The following GPHN variants were observed in gnomAD, a reference collection of about 807,000 sequenced individuals.
GPHN encodes the protein gephyrin.
In GPHN, 17 loss-of-function variants were observed where a neutral mutation model predicts 95.5. The observed-to-expected ratio is 0.18, with a 90% CI of 0.12 to 0.27. The LOEUF (loss-of-function observed/expected upper bound fraction) is 0.27. Ranked by LOEUF, GPHN falls within the 10% of genes least tolerant of loss-of-function variation. The pLI is 1.00. For missense variants in GPHN, 660 were observed against 978.1 expected, an observed-to-expected ratio of 0.67 and a Z score of 4.34; for synonymous variants, 320 against 322.5, an observed-to-expected ratio of 0.99 and a Z score of 0.08.
the GPHN span, chr14:67,616,339 A>G: frequency 6.6e-6 from 1 of 152,332 alleles, no homozygotes; most frequent in Non-Finnish European, 1.5e-5. Flanking sequence ...CTGTAAATTG[A>G]CATGGAAATT....
intron 1 of GPHN, among the ~76,000 whole-genome samples, chr14:66,604,007 A>G (rs962401244): frequency 2.0e-5 from 3 of 152,132 alleles, no homozygotes; most frequent in Admixed American, 2.0e-4. Context: ...GTCTTGGGGA[A>G]TGAACACTTG....
At chr14:67,302,797 T>C in the GPHN span, among the ~76,000 whole-genome samples, 1 of 151,892 alleles carries the variant, frequency 6.6e-6, no homozygotes, top group Admixed American at 6.6e-5. Context: ...ATTTTATTTT[T>C]CTGGAATCAG....
chr14:67,726,224 G>A, the GPHN span: 6 of 949,336 alleles, frequency 6.3e-6, no homozygotes, highest in Middle Eastern at 2.1e-4. Flanking sequence ...ATGACACTGT[G>A]TAAATGTGGA....
At chr14:67,619,831 G>T in the GPHN span, 2 of 573,984 alleles carry the variant, frequency 3.5e-6, no homozygotes, top group Non-Finnish European at 3.0e-6. Context: ...GGTTGGAGGC[G>T]CGGGCGGCGG....
intron 8 of GPHN, among the ~76,000 whole-genome samples, chr14:66,932,042 C>T (rs1032712177): frequency 9.2e-5 from 14 of 152,198 alleles, no homozygotes; most frequent in African/African-American, 3.1e-4. Flanking sequence ...TGATCTAAGT[C>T]TGGTCACTGA....
intron 1 of GPHN, among the ~76,000 whole-genome samples, chr14:66,524,399 T>C (rs1026519732): frequency 1.3e-5 from 2 of 152,134 alleles, no homozygotes; most frequent in East Asian, 3.8e-4. Context: ...GAAAAGATAC[T>C]TTTAGAACTA....
At chr14:66,785,371 T>C (rs970573325) in intron 3 of GPHN, among the ~76,000 whole-genome samples, 2 of 151,970 alleles carry the variant, frequency 1.3e-5, no homozygotes, top group Non-Finnish European at 2.9e-5. Context: ...ATTTCAAAAA[T>C]AAATAAATTA....
At chr14:67,080,920 G>C (rs761431653) in intron 11 of GPHN, among the ~76,000 whole-genome samples, 5 of 152,116 alleles carry the variant, frequency 3.3e-5, no homozygotes, top group Non-Finnish European at 7.4e-5. Context: ...CATCCAGTTT[G>C]CTGCAAATGC....
At chr14:67,176,623 G>A (rs1039106259) in intron 21 of GPHN, among the ~76,000 whole-genome samples, 2 of 152,044 alleles carry the variant, frequency 1.3e-5, no homozygotes, top group African/African-American at 4.8e-5. Flanking sequence ...CTCTTTTTCT[G>A]TTCCTTGGAA....
chr14:66,943,188 T>G (rs2067529070), intron 8 of GPHN, among the ~76,000 whole-genome samples: 1 of 152,254 alleles, frequency 6.6e-6, no homozygotes, highest in Non-Finnish European at 1.5e-5. Flanking sequence ...AAACAACCCT[T>G]TAACACTAGG....
At chr14:67,465,263 T>A in the GPHN span, among the ~76,000 whole-genome samples, 1 of 152,148 alleles carries the variant, frequency 6.6e-6, no homozygotes, top group East Asian at 1.9e-4. Context: ...AGTCTCCAGT[T>A]GGGCTAAGAG....
At chr14:66,636,391 G>A (rs2064097110) in intron 1 of GPHN, among the ~76,000 whole-genome samples, 1 of 151,678 alleles carries the variant, frequency 6.6e-6, no homozygotes, top group Non-Finnish European at 1.5e-5. Context: ...TATCACATAG[G>A]TATACCATAT....
intron 1 of GPHN, among the ~76,000 whole-genome samples, chr14:66,668,526 CAGG>C (rs1232066124): frequency 1.3e-5 from 2 of 152,102 alleles, no homozygotes; most frequent in African/African-American, 4.8e-5. Flanking sequence ...CAAAGTAACA[CAGG>C]AGCAGAAAAC....
intron 1 of GPHN, among the ~76,000 whole-genome samples, chr14:66,553,358 T>G (rs1310961424): frequency 1.3e-5 from 2 of 152,140 alleles, no homozygotes; most frequent in Admixed American, 6.6e-5. Context: ...TTTTAAAATA[T>G]TCTGCCCCAG....
At chr14:67,302,071 G>A in the GPHN span, 2 of 1,608,462 alleles carry the variant, frequency 1.2e-6, no homozygotes, top group African/African-American at 2.7e-5. Context: ...GTATGGAGGA[G>A]AAACTGTAAA....
chr14:66,892,171 C>A (rs2064548058), intron 5 of GPHN, among the ~76,000 whole-genome samples: 1 of 152,034 alleles, frequency 6.6e-6, no homozygotes. Flanking sequence ...ACCTGTAATC[C>A]CAACACTTTG....
the GPHN span, chr14:67,577,984 G>A: frequency 1.3e-6 from 2 of 1,585,348 alleles, no homozygotes; most frequent in Non-Finnish European, 1.7e-6. Flanking sequence ...GAACCCAGGG[G>A]ATGCTGGTCT....
At chr14:66,692,161 A>T (rs2067822562) in intron 2 of GPHN, among the ~76,000 whole-genome samples, 1 of 152,172 alleles carries the variant, frequency 6.6e-6, no homozygotes. Flanking sequence ...AAGAGGTTTG[A>T]ATATATCTTT....
the GPHN span, among the ~76,000 whole-genome samples, chr14:67,259,143 G>A: frequency 4.0e-5 from 6 of 151,658 alleles, no homozygotes; most frequent in Admixed American, 2.0e-4. Flanking sequence ...GCACCAGGCC[G>A]ATTTTAACTT....
Sources: allele counts gnomAD v4.1 joint callset (sites outside exome capture counted in the v4.1 genomes callset), GRCh38; gene constraint gnomAD v4.1.1; transcripts MANE v1.5; gene names NCBI Gene and HGNC (gene_info 2026-07-23, HGNC 2026-07-21).